The following PRKCQ variants were observed in gnomAD, a reference collection of about 807,000 sequenced individuals.
PRKCQ encodes protein kinase C theta type.
PRKCQ carries 41 observed loss-of-function variants against 91.2 expected under a neutral mutation model. The observed-to-expected ratio is 0.45, with a 90% CI of 0.35 to 0.58. The LOEUF (loss-of-function observed/expected upper bound fraction) is 0.58, where lower values mean the gene tolerates loss of function less well. PRKCQ is among the 20% of genes least tolerant of loss of function. PRKCQ has a pLI of 0.00. For synonymous variants in PRKCQ, 307 were observed against 316.9 expected (o/e 0.97, Z 0.33); for missense variants, 673 against 896.5 (o/e 0.75, Z 3.18).
chr10:6,407,643 A>G, the PRKCQ span, among the ~76,000 whole-genome samples: 2 of 150,478 alleles, frequency 1.3e-5, no homozygotes, highest in African/African-American at 4.8e-5. The surrounding 1 kb of genome is among the most constrained non-coding windows in gnomAD (Gnocchi z 4.0). Context: ...ATGTGTGTAT[A>G]TGGGTTGCAT....
intron 12 of PRKCQ, among the ~76,000 whole-genome samples, chr10:6,468,821 C>T (rs922100595): frequency 1.3e-5 from 2 of 152,196 alleles, no homozygotes; most frequent in South Asian, 2.1e-4. Flanking sequence ...GTTACAACAG[C>T]GAAGACTGTA....
intron 11 of PRKCQ, among the ~76,000 whole-genome samples, chr10:6,482,943 G>A (rs1836688031): frequency 6.6e-6 from 1 of 152,062 alleles, no homozygotes; most frequent in Non-Finnish European, 1.5e-5. Context: ...GACACCTGGG[G>A]ATTATTACAA....
At chr10:6,551,965 C>T (rs1202208802) in intron 1 of PRKCQ, among the ~76,000 whole-genome samples, 1 of 152,236 alleles carries the variant, frequency 6.6e-6, no homozygotes, top group Non-Finnish European at 1.5e-5. Context: ...ATTTTCTCCA[C>T]AACCTTGCCA....
intron 12 of PRKCQ, among the ~76,000 whole-genome samples, chr10:6,464,943 T>C (rs1488307460): frequency 1.3e-5 from 2 of 152,294 alleles, no homozygotes; most frequent in South Asian, 4.1e-4. Context: ...GGCATCTAGA[T>C]GCTTGCGTGT....
intron 14 of PRKCQ, among the ~76,000 whole-genome samples, 180 bp downstream of exon 14, chr10:6,462,123 G>A (rs1835379699): frequency 6.6e-6 from 1 of 152,186 alleles, no homozygotes; most frequent in Non-Finnish European, 1.5e-5. Flanking sequence ...TGTTGAGACT[G>A]GAATGTCTTC....
chr10:6,411,562 G>T, the PRKCQ span, among the ~76,000 whole-genome samples: 8 of 152,300 alleles, frequency 5.3e-5, no homozygotes, highest in Admixed American at 1.3e-4. Flanking sequence ...TCTGGAGATT[G>T]GCAAATTTAG....
chr10:6,528,733 C>T (rs865901081), intron 1 of PRKCQ, among the ~76,000 whole-genome samples: 2 of 152,174 alleles, frequency 1.3e-5, no homozygotes, highest in Non-Finnish European at 2.9e-5. Context: ...CAAACTAATA[C>T]GTTATTTCTT....
chr10:6,401,840 T>A, the PRKCQ span, among the ~76,000 whole-genome samples: 11 of 152,226 alleles, frequency 7.2e-5, no homozygotes, highest in Admixed American at 1.3e-4. Flanking sequence ...AAAGGCAGAA[T>A]ACACATCTTG....
intron 14 of PRKCQ, among the ~76,000 whole-genome samples, chr10:6,461,137 CCATT>C (rs1236822441): frequency 6.6e-6 from 1 of 151,672 alleles, no homozygotes; most frequent in African/African-American, 2.4e-5. Context: ...CCACATCCAT[CCATT>C]CATCCATCCA....
intron 1 of PRKCQ, among the ~76,000 whole-genome samples, chr10:6,546,219 C>T (rs1839947089): frequency 6.6e-6 from 1 of 152,044 alleles, no homozygotes; most frequent in African/African-American, 2.4e-5. Context: ...TGTTACCTGC[C>T]TCCTGTTTTT....
In PRKCQ at chr10:6,496,997, A is replaced by T. The variant is rs906454105; in HGVS notation, c.660+38T>A. Reference sequence around the variant, plus strand: ...GGCTGTAACATTTAACGTTCTGATAAAAATCACTGCACGTCAAAGAGGAGT... The same window carrying T: ...GGCTGTAACATTTAACGTTCTGATATAAATCACTGCACGTCAAAGAGGAGT... On this transcript the variant is annotated intron_variant, in intron 7 of 17. Transcript: ENST00000263125. The T allele has an allele frequency of 3.8e-6, 6 of 1,565,034 alleles. No individual in the cohort carries two copies. In the African/African-American group the frequency reaches 8.3e-5, roughly 22 times the overall value.
At chr10:6,470,491 C>T (rs971925038) in intron 12 of PRKCQ, among the ~76,000 whole-genome samples, 4 of 152,206 alleles carry the variant, frequency 2.6e-5, no homozygotes, top group African/African-American at 7.2e-5. Flanking sequence ...CTCCACTCTG[C>T]TCCACTTTAG....
Position 6,497,017 on chromosome 10 carries a change from A to C in PRKCQ, c.660+18T>G, listed in dbSNP as rs968865934. The C allele has an allele frequency of 5.0e-6, 8 of 1,602,198 alleles. No individual in the cohort carries two copies. The highest frequency in any genetic ancestry group is 6.8e-6 in the Non-Finnish European group (8 of 1,170,954). Reference sequence around the variant, plus strand: ...TGATAAAAATCACTGCACGTCAAAGAGGAGTGTAAATACTCACCATGGTTT... The same window carrying C: ...TGATAAAAATCACTGCACGTCAAAGCGGAGTGTAAATACTCACCATGGTTT... On this transcript the variant is annotated intron_variant, in intron 7 of 17. Coordinates refer to ENST00000263125, the MANE Select transcript of PRKCQ (RefSeq NM_006257.5). This position sits in a 1 kb window ranked among gnomAD's most constrained non-coding sequence, Gnocchi z 4.5.
At chr10:6,479,259 G>T in intron 11 of PRKCQ, 94 bp from the exon 12 acceptor site, 1 of 1,417,692 alleles carries the variant, frequency 7.1e-7, no homozygotes, top group East Asian at 2.4e-5. Flanking sequence ...TGTGTTGGGT[G>T]GGAAAAGGGG....
chr10:6,469,516 G>A (rs2130732415), intron 12 of PRKCQ, among the ~76,000 whole-genome samples: 1 of 152,316 alleles, frequency 6.6e-6, no homozygotes, highest in East Asian at 1.9e-4. Flanking sequence ...GAGGGGCTGG[G>A]CGGAACCCCT....
Position 6,511,094 on chromosome 10 carries a change from A to C in PRKCQ, c.219T>G (p.Ile73Met). The change falls in exon 3 of 18, where the codon ATT (isoleucine) becomes ATG (methionine). Residue 73 changes from isoleucine to methionine, a missense_variant. Physicochemically the swap from Ile to Met is conservative, Grantham distance 10. Coordinates refer to ENST00000263125, the MANE Select transcript of PRKCQ (RefSeq NM_006257.5). ...HINKGRVMQI[I>M]VKGKNVDLIS... ...TGAGGTCCACGTTTTTGCCTTTCACAATGATCTGCATGACTCTTCCCTTGT... is the reference window on the plus strand; with the variant it reads ...TGAGGTCCACGTTTTTGCCTTTCACCATGATCTGCATGACTCTTCCCTTGT... 1.2e-6 allele frequency: 2 copies of C among 1,614,090 alleles called. No homozygotes were observed. The highest frequency in any genetic ancestry group is 1.7e-6 in the Non-Finnish European group (2 of 1,179,998).
At chr10:6,547,274 G>T (rs1839999105) in intron 1 of PRKCQ, among the ~76,000 whole-genome samples, 2 of 152,042 alleles carry the variant, frequency 1.3e-5, no homozygotes, top group South Asian at 4.2e-4. Flanking sequence ...TCATGGGTAG[G>T]AAGAATCAAT....
At chr10:6,482,859 T>G (rs1836681502) in intron 11 of PRKCQ, among the ~76,000 whole-genome samples, 1 of 151,822 alleles carries the variant, frequency 6.6e-6, no homozygotes, top group Admixed American at 6.6e-5. Flanking sequence ...TCATGAGACT[T>G]ACTCACTATC....
At chr10:6,488,098 G>C (rs79798189) in intron 8 of PRKCQ, among the ~76,000 whole-genome samples, 2,151 of 152,022 alleles carry the variant, frequency 0.014, 47 homozygotes, top group African/African-American at 0.04. Context: ...TGTGAGTAGA[G>C]AGTGTTGTAA....
Sources: gnomAD v4.1 joint callset for allele counts (sites outside exome capture counted in the v4.1 genomes callset) on GRCh38, gnomAD v4.1.1 for gene constraint, Gnocchi (gnomAD v3.1) non-coding constraint, MANE v1.5 for transcripts, NCBI Gene and HGNC (gene_info 2026-07-23, HGNC 2026-07-21) for gene names.